Variants in AFG2A observed in about 807,000 individuals in gnomAD.
AFG2A encodes ATPase family gene 2 protein homolog A.
At chr4:123,151,086 G>A in the AFG2A span, among the ~76,000 whole-genome samples, 2 of 152,110 alleles carry the variant, frequency 1.3e-5, no homozygotes, top group South Asian at 2.1e-4. Context: ...AATGAAACTG[G>A]ACTCCTTCCT....
the AFG2A span, among the ~76,000 whole-genome samples, chr4:123,044,890 A>G: frequency 5.3e-5 from 8 of 151,564 alleles, no homozygotes; most frequent in African/African-American, 1.2e-4. Flanking sequence ...AAAATTTCCA[A>G]TATTATATCT....
chr4:123,252,203 T>G, the AFG2A span, among the ~76,000 whole-genome samples: 5 of 152,204 alleles, frequency 3.3e-5, no homozygotes, highest in Non-Finnish European at 5.9e-5. Context: ...AAACCCTTTT[T>G]TCCATTACAT....
the AFG2A span, among the ~76,000 whole-genome samples, chr4:123,134,104 GA>G: frequency 2.1e-3 from 327 of 152,242 alleles, 2 homozygotes; most frequent in African/African-American, 7.5e-3. Context: ...TTGGTGTGCA[GA>G]AGCTTTTTAG....
the AFG2A span, among the ~76,000 whole-genome samples, chr4:123,011,254 C>G: frequency 6.6e-6 from 1 of 152,222 alleles, no homozygotes; most frequent in East Asian, 1.9e-4. Flanking sequence ...GTCTTTGCCT[C>G]GCATTTAATA....
the AFG2A span, among the ~76,000 whole-genome samples, chr4:123,210,513 A>G: frequency 6.6e-6 from 1 of 152,196 alleles, no homozygotes. Context: ...TCAAAACATA[A>G]CAGACTTTCC....
the AFG2A span, among the ~76,000 whole-genome samples, chr4:122,924,620 C>CT: frequency 3.8e-4 from 58 of 152,096 alleles, no homozygotes; most frequent in East Asian, 0.01. Context: ...AGTCCAAAAC[C>CT]TTTTTTTTCC....
the AFG2A span, among the ~76,000 whole-genome samples, chr4:122,957,182 C>T: frequency 6.6e-6 from 1 of 152,140 alleles, no homozygotes; most frequent in Non-Finnish European, 1.5e-5. Context: ...AGAAAAAGCC[C>T]TAAGCCTCTT....
chr4:123,244,482 T>C, the AFG2A span, among the ~76,000 whole-genome samples: 4 of 152,216 alleles, frequency 2.6e-5, no homozygotes, highest in Non-Finnish European at 5.9e-5. Flanking sequence ...GTCACCACTG[T>C]GCAACCCATC....
At chr4:122,949,033 C>T in the AFG2A span, among the ~76,000 whole-genome samples, 2 of 152,220 alleles carry the variant, frequency 1.3e-5, no homozygotes, top group South Asian at 2.1e-4. Context: ...GATTAAAACA[C>T]GTGGTTATAG....
chr4:122,971,873 A>G, the AFG2A span, among the ~76,000 whole-genome samples: 1 of 152,160 alleles, frequency 6.6e-6, no homozygotes, highest in Non-Finnish European at 1.5e-5. Flanking sequence ...AATAGAGCCA[A>G]GTTGTCACAA....
the AFG2A span, among the ~76,000 whole-genome samples, chr4:123,171,041 AT>A: frequency 6.6e-6 from 1 of 152,198 alleles, no homozygotes; most frequent in Non-Finnish European, 1.5e-5. Context: ...ATTGTTTTAA[AT>A]AAAACCAGTA....
At chr4:122,966,531 C>A in the AFG2A span, among the ~76,000 whole-genome samples, 1 of 152,172 alleles carries the variant, frequency 6.6e-6, no homozygotes, top group African/African-American at 2.4e-5. Context: ...TTGGAATAGT[C>A]GGCTGCCTCT....
chr4:122,940,317 T>C, the AFG2A span, among the ~76,000 whole-genome samples: 24 of 151,674 alleles, frequency 1.6e-4, no homozygotes, highest in East Asian at 2.5e-3. Context: ...TTTTAATGAT[T>C]GCCATTCTAA....
the AFG2A span, among the ~76,000 whole-genome samples, chr4:123,076,609 G>A: frequency 1.1e-3 from 160 of 150,248 alleles, no homozygotes; most frequent in African/African-American, 3.8e-3. Flanking sequence ...TTTTTTGGGG[G>A]GTGGGGGGTG....
At chr4:123,211,444 G>C in the AFG2A span, among the ~76,000 whole-genome samples, 1 of 152,058 alleles carries the variant, frequency 6.6e-6, no homozygotes, top group Non-Finnish European at 1.5e-5. Context: ...AATCAGTATC[G>C]GAGAGCACAG....
the AFG2A span, among the ~76,000 whole-genome samples, chr4:123,245,810 T>G: frequency 6.6e-6 from 1 of 152,218 alleles, no homozygotes; most frequent in African/African-American, 2.4e-5. Flanking sequence ...GCTAACATGT[T>G]GACATACAGA....
the AFG2A span, among the ~76,000 whole-genome samples, chr4:123,176,640 T>C: frequency 3.3e-5 from 5 of 151,906 alleles, no homozygotes; most frequent in African/African-American, 1.2e-4. Context: ...ATATTGGGGG[T>C]GAAAGGAAAT....
At chr4:123,060,812 A>G in the AFG2A span, among the ~76,000 whole-genome samples, 1 of 152,172 alleles carries the variant, frequency 6.6e-6, no homozygotes, top group Admixed American at 6.5e-5. Flanking sequence ...TCCCCGGGAA[A>G]TGAGTTTTTC....
chr4:122,934,863 A>G, the AFG2A span: 1 of 1,232,320 alleles, frequency 8.1e-7, no homozygotes, highest in Non-Finnish European at 1.1e-6. Flanking sequence ...GGTATGGTAG[A>G]AGATTTCAGT....
Sources: gnomAD v4.1 joint callset for allele counts (sites outside exome capture counted in the v4.1 genomes callset) on GRCh38, gnomAD v4.1.1 for gene constraint, MANE v1.5 for transcripts, NCBI Gene and HGNC (gene_info 2026-07-23, HGNC 2026-07-21) for gene names.